EAF2: variants seen among roughly 807,000 people sequenced by gnomAD.
EAF2 encodes the protein ELL associated factor 2, also known as ELL-associated factor 2.
Under a neutral mutation model 29.4 loss-of-function variants are expected in EAF2, and 29 were observed. The ratio of observed to expected loss-of-function variants is 0.99; its 90% confidence interval spans 0.73 to 1.35. The LOEUF is 1.35. EAF2 is among the 40% of genes most tolerant of loss of function. The pLI is 0.00. For missense variants in EAF2, 292 were observed against 312.0 expected, an observed-to-expected ratio of 0.94 and a Z score of 0.48; for synonymous variants, 103 against 102.5, an observed-to-expected ratio of 1.00 and a Z score of -0.03.
chr3:121,847,023 G>A (rs1022301945), intron 2 of EAF2, among the ~76,000 whole-genome samples: 1 of 152,008 alleles, frequency 6.6e-6, no homozygotes, highest in Admixed American at 6.6e-5. Context: ...CACCACCACC[G>A]CTCCTTTCCA....
chr3:121,842,385 G>GT, intron 1 of EAF2, among the ~76,000 whole-genome samples: 1 of 152,198 alleles, frequency 6.6e-6, no homozygotes, highest in Middle Eastern at 3.4e-3. Context: ...CCAAACTAAA[G>GT]TTTTTTTCTC....
At chr3:121,884,763 G>T (rs1158430360) in intron 5 of EAF2, among the ~76,000 whole-genome samples, 1 of 152,192 alleles carries the variant, frequency 6.6e-6, no homozygotes, top group East Asian at 1.9e-4. Context: ...TATCAGTTCT[G>T]CAGTTCATGC....
chr3:121,884,325 A>T (rs1373221272), intron 5 of EAF2, among the ~76,000 whole-genome samples: 1 of 135,236 alleles, frequency 7.4e-6, no homozygotes, highest in African/African-American at 2.7e-5. Context: ...GGGTGACAAG[A>T]GTGAAACTCC....
At chr3:121,840,934 C>A (rs905623583) in intron 1 of EAF2, among the ~76,000 whole-genome samples, 2 of 151,766 alleles carry the variant, frequency 1.3e-5, no homozygotes, top group Non-Finnish European at 2.9e-5. Flanking sequence ...GAAAGGACTG[C>A]ACCCTGAAAT....
chr3:121,843,038 C>G (rs1025660983), intron 1 of EAF2, among the ~76,000 whole-genome samples: 10 of 152,072 alleles, frequency 6.6e-5, no homozygotes, highest in African/African-American at 2.4e-4. Flanking sequence ...AGATCTTATT[C>G]AATTTTTAAT....
At chr3:121,842,555 T>C (rs1177271930) in intron 1 of EAF2, among the ~76,000 whole-genome samples, 1 of 152,222 alleles carries the variant, frequency 6.6e-6, no homozygotes, top group African/African-American at 2.4e-5. Context: ...AGATGGGGTA[T>C]TCACTACTTT....
At chr3:121,841,564 A>T in intron 1 of EAF2, among the ~76,000 whole-genome samples, 1 of 140,376 alleles carries the variant, frequency 7.1e-6, no homozygotes. Flanking sequence ...AAGAAAAAAG[A>T]TAGAAAGAAA....
At chr3:121,880,580 A>G (rs1436532278) in intron 5 of EAF2, among the ~76,000 whole-genome samples, 1 of 151,686 alleles carries the variant, frequency 6.6e-6, no homozygotes, top group Non-Finnish European at 1.5e-5. Flanking sequence ...TGATTTTTGT[A>G]TCTTGCAACT....
chr3:121,866,724 T>C (rs1708933696), intron 4 of EAF2, among the ~76,000 whole-genome samples: 1 of 147,840 alleles, frequency 6.8e-6, no homozygotes, highest in Non-Finnish European at 1.5e-5. Flanking sequence ...AACTCCATCT[T>C]AAAAAAATAA....
chr3:121,857,824 C>T (rs1450573896), intron 4 of EAF2, among the ~76,000 whole-genome samples: 1 of 152,076 alleles, frequency 6.6e-6, no homozygotes, highest in East Asian at 1.9e-4. Flanking sequence ...CCTCCCCTCT[C>T]CCCCAACCCC....
At chr3:121,837,071 CAAT>C (rs1708314511) in intron 1 of EAF2, among the ~76,000 whole-genome samples, 2 of 152,062 alleles carry the variant, frequency 1.3e-5, no homozygotes, top group African/African-American at 2.4e-5. Flanking sequence ...AGCAAAACAA[CAAT>C]AATGACAATA....
At chr3:121,883,269 C>T (rs557723969) in intron 5 of EAF2, among the ~76,000 whole-genome samples, 7 of 152,180 alleles carry the variant, frequency 4.6e-5, no homozygotes, top group African/African-American at 7.2e-5. Flanking sequence ...TAAAAAATTG[C>T]GTCTACAGCT....
intron 1 of EAF2, among the ~76,000 whole-genome samples, chr3:121,835,620 C>A (rs1406113619): frequency 1.3e-5 from 2 of 152,016 alleles, no homozygotes; most frequent in Admixed American, 1.3e-4. Flanking sequence ...AGCGTTGAGA[C>A]CAGCAGACAG....
chr3:121,838,735 T>C (rs1044062004), intron 1 of EAF2, among the ~76,000 whole-genome samples: 6 of 152,210 alleles, frequency 3.9e-5, no homozygotes, highest in Non-Finnish European at 8.8e-5. Context: ...GTATTTGATA[T>C]GTATGTTCAT....
chr3:121,835,726 A>G (rs1336418248), intron 1 of EAF2, among the ~76,000 whole-genome samples: 4 of 152,252 alleles, frequency 2.6e-5, no homozygotes, highest in South Asian at 2.1e-4. Flanking sequence ...ATAAGGTGAC[A>G]AATGGGAAGG....
At chr3:121,839,562 A>T (rs1358208315) in intron 1 of EAF2, among the ~76,000 whole-genome samples, 9 of 152,218 alleles carry the variant, frequency 5.9e-5, no homozygotes, top group African/African-American at 2.2e-4. Flanking sequence ...TTAATAATGG[A>T]TGCTGTCTAT....
At chr3:121,865,674 A>C (rs1415443034) in intron 4 of EAF2, among the ~76,000 whole-genome samples, 1 of 120,668 alleles carries the variant, frequency 8.3e-6, no homozygotes, top group Non-Finnish European at 1.8e-5. Context: ...AAAAAAAAAT[A>C]TTTTTTTAAA....
At chr3:121,864,334 A>G (rs1298794215) in intron 4 of EAF2, among the ~76,000 whole-genome samples, 2 of 152,212 alleles carry the variant, frequency 1.3e-5, no homozygotes. Flanking sequence ...GCTCCTATAC[A>G]AACAATAAAA....
chr3:121,841,612 C>T (rs534190381), intron 1 of EAF2, among the ~76,000 whole-genome samples: 37 of 150,700 alleles, frequency 2.5e-4, no homozygotes, highest in African/African-American at 9.0e-4. Flanking sequence ...GTGGCTCATG[C>T]CTGTAATCCC....
Sources: gnomAD v4.1 joint callset for allele counts (sites outside exome capture counted in the v4.1 genomes callset) on GRCh38, gnomAD v4.1.1 for gene constraint, MANE v1.5 for transcripts, NCBI Gene and HGNC (gene_info 2026-07-23, HGNC 2026-07-21) for gene names.